The following RSPH1 variants were observed in gnomAD, a reference collection of about 807,000 sequenced individuals.
RSPH1 encodes radial spoke head 1 homolog.
A neutral mutation model predicts 44.2 loss-of-function variants in RSPH1; 32 were observed. That is an observed-to-expected ratio of 0.72 (90% CI 0.55 to 0.97). RSPH1 has a LOEUF of 0.97. Ranked by LOEUF, RSPH1 falls within the 50% of genes least tolerant of loss-of-function variation. The pLI is 0.00. For missense variants in RSPH1, 391 were observed against 398.7 expected, an observed-to-expected ratio of 0.98 and a Z score of 0.16; for synonymous variants, 134 against 147.3, an observed-to-expected ratio of 0.91 and a Z score of 0.65.
intron 6 of RSPH1, among the ~76,000 whole-genome samples, chr21:42,478,926 A>G (rs1018515011): frequency 2.0e-5 from 3 of 152,230 alleles, no homozygotes; most frequent in African/African-American, 7.2e-5. Flanking sequence ...AGGCAAATTC[A>G]TAGAGAAAGA....
chr21:42,476,911 T>G (rs1393925274), intron 7 of RSPH1, among the ~76,000 whole-genome samples: 2 of 152,142 alleles, frequency 1.3e-5, no homozygotes, highest in Non-Finnish European at 1.5e-5. Context: ...ACACCTGGCC[T>G]GAAAACAGGA....
chr21:42,490,414 G>A (rs1403740447), intron 3 of RSPH1, among the ~76,000 whole-genome samples: 1 of 152,200 alleles, frequency 6.6e-6, no homozygotes, highest in Non-Finnish European at 1.5e-5. Context: ...TACATTAACT[G>A]AGATTTTGTG....
intron 3 of RSPH1, 39 bp downstream of exon 3, chr21:42,492,718 CT>C (rs1390861692): frequency 1.6e-6 from 2 of 1,245,538 alleles, no homozygotes; most frequent in Middle Eastern, 1.9e-4. Flanking sequence ...GAAAGAAAAA[CT>C]TCTGTAACAC....
chr21:42,477,511 G>T, intron 6 of RSPH1, 67 bp from the exon 7 acceptor site: 2 of 1,538,294 alleles, frequency 1.3e-6, no homozygotes, highest in Non-Finnish European at 1.8e-6. Flanking sequence ...TATTAAAAGT[G>T]AGGGAGGAAG....
Position 42,477,124 on chromosome 21 carries a change from GAT to G in RSPH1, c.727+165_727+166del, listed in dbSNP as rs1177808977. The stretch of plus-strand genomic sequence containing the variant: ...TGCCCCCTCCACTCCACAGCCCGGG[GAT>G]GCCCCACACCCTCTGCCCCCTCCAC... On this transcript the variant is annotated intron_variant, in intron 7 of 8. Transcript: ENST00000291536. 1.3e-3 allele frequency among the ~76,000 whole-genome samples: 167 copies of G among 132,940 alleles called. 14 individuals are homozygous for G. Among genetic ancestry groups the G allele is most frequent in the Admixed American group, 1.8e-3 (24 of 13,364 alleles). 87.2% of individuals were successfully genotyped at this position (132,940 alleles called of 152,430 possible).
chr21:42,493,041 G>C lies in RSPH1; in HGVS notation c.93C>G (p.His31Gln). 6.2e-7 allele frequency: 1 copy of C among 1,614,088 alleles called. No individual in the cohort carries two copies. Among genetic ancestry groups the C allele is most frequent in the Non-Finnish European group, 8.5e-7 (1 of 1,180,010 alleles). The change falls in exon 2 of 9, where the codon CAC becomes CAG. Residue 31 changes from histidine to glutamine, a missense_variant. Coordinates refer to ENST00000291536, the MANE Select transcript of RSPH1 (RefSeq NM_080860.4). ...EGGRNEAGER[H>Q]GRGRARLPNG... ...TGGGTAGCCGTGCCCTCCCACGTCC[G>C]TGCCTTTCGCCTGCCTCATTCCGAC...
chr21:42,492,088 G>GA (rs1203285273), intron 3 of RSPH1, among the ~76,000 whole-genome samples: 4 of 152,178 alleles, frequency 2.6e-5, no homozygotes, highest in African/African-American at 9.7e-5. Context: ...AAAAAGCCCA[G>GA]AACACAGAAT....
intron 6 of RSPH1, among the ~76,000 whole-genome samples, chr21:42,482,380 G>A (rs2054137300): frequency 6.6e-6 from 1 of 152,200 alleles, no homozygotes; most frequent in South Asian, 2.1e-4. Context: ...ATTGTGCCCT[G>A]CCAGGATTAG....
In RSPH1 at chr21:42,474,747, C is replaced by T. The variant is rs933229315; in HGVS notation, c.877+1151G>A. On this transcript the variant is annotated intron_variant, in intron 8 of 8. Transcript: ENST00000291536. This position sits in a 1 kb window ranked among gnomAD's most constrained non-coding sequence, Gnocchi z 5.2. ...CCCACGTCCCACCTCAGCACTGCGT[C>T]ACTGGGTGCATTGCTACAGCGCTCA... Among the ~76,000 whole-genome samples the T allele has an allele frequency of 6.8e-6, 1 of 147,972 alleles. No individual in the cohort carries two copies. Among genetic ancestry groups the T allele is most frequent in the African/African-American group, 2.7e-5 (1 of 37,524 alleles).
intron 3 of RSPH1, among the ~76,000 whole-genome samples, chr21:42,489,810 AGTCT>A (rs1367980233): frequency 6.6e-6 from 1 of 152,174 alleles, no homozygotes; most frequent in African/African-American, 2.4e-5. Flanking sequence ...TGAAAATTGG[AGTCT>A]GTCTAACACC....
intron 7 of RSPH1, among the ~76,000 whole-genome samples, chr21:42,476,781 AACTCTGTT>A (rs2054055988): frequency 6.6e-6 from 1 of 152,046 alleles, no homozygotes. Context: ...CTGTCCAATC[AACTCTGTT>A]TCTTTCCTCT....
At chr21:42,491,589 AAGC>A (rs1329123746) in intron 3 of RSPH1, among the ~76,000 whole-genome samples, 4 of 152,238 alleles carry the variant, frequency 2.6e-5, no homozygotes, top group African/African-American at 9.6e-5. Context: ...TTGATTTAAA[AAGC>A]AGATGGTGCT....
Position 42,473,648 on chromosome 21 carries a change from T to C in RSPH1, c.878-778A>G, listed in dbSNP as rs2054015571. Among the ~76,000 whole-genome samples, 11 of 152,304 alleles carry C rather than the reference T, an allele frequency of 7.2e-5. No homozygotes were observed. The South Asian group carries it at 2.3e-3, about 32-fold the overall frequency. On this transcript the variant is annotated intron_variant, in intron 8 of 8. Transcript: ENST00000291536. ...AGAAATTAGCAGGGTAAATCTCCAA[T>C]GTAATGTGGGATTCATGATGAATAC...
intron 1 of RSPH1, chr21:42,495,920 T>TGTG (rs2054283281): frequency 1.8e-6 from 1 of 555,024 alleles, no homozygotes; most frequent in African/African-American, 1.9e-5. Context: ...CGAGGCGGCA[T>TGTG]GTGGTAACCA....
At chr21:42,485,995 G>A (rs2054177132) in intron 4 of RSPH1, 191 bp from the exon 5 acceptor site, 1 of 695,978 alleles carries the variant, frequency 1.4e-6, no homozygotes, top group Non-Finnish European at 2.4e-6. Flanking sequence ...CATTGCCAGA[G>A]GCACAGAGGA....
intron 7 of RSPH1, among the ~76,000 whole-genome samples, chr21:42,476,438 G>A (rs552465617): frequency 1.3e-5 from 2 of 152,176 alleles, no homozygotes; most frequent in African/African-American, 2.4e-5. Context: ...CCAGTCACAT[G>A]AGCCAAGAAA....
chr21:42,482,491 C>T (rs562713376), intron 6 of RSPH1, 146 bp downstream of exon 6: 1 of 610,934 alleles, frequency 1.6e-6, no homozygotes, highest in African/African-American at 1.8e-5. Context: ...TGTACTAACA[C>T]ATGCAGATAA....
Position 42,475,892 on chromosome 21 carries a change from C to T in RSPH1, c.877+6G>A, listed in dbSNP as rs1325244409. 2 of 1,609,598 alleles carry T rather than the reference C, an allele frequency of 1.2e-6. No homozygotes were observed. Among genetic ancestry groups the T allele is most frequent in the Non-Finnish European group, 1.7e-6 (2 of 1,179,072 alleles). ...CTCGCCCCACTTCCCTGCGCAGGGA[C>T]CTCACCCTCATCCATGTCATAGCGG... On this transcript the variant is annotated splice_donor_region_variant and intron_variant, in intron 8 of 8. Transcript: ENST00000291536.
intron 6 of RSPH1, among the ~76,000 whole-genome samples, 192 bp downstream of exon 6, chr21:42,482,445 G>A (rs2146651354): frequency 6.6e-6 from 1 of 152,298 alleles, no homozygotes; most frequent in Admixed American, 6.5e-5. Context: ...TGCAATAAAT[G>A]GGAAATGATA....
Sources: allele counts gnomAD v4.1 joint callset (sites outside exome capture counted in the v4.1 genomes callset), GRCh38; gene constraint gnomAD v4.1.1; non-coding constraint Gnocchi (gnomAD v3.1); transcripts MANE v1.5; gene names NCBI Gene and HGNC (gene_info 2026-07-23, HGNC 2026-07-21).